Variants in SMG6 observed in about 807,000 individuals in gnomAD.
SMG6 encodes the protein telomerase-binding protein EST1A.
In SMG6, 66 loss-of-function variants were observed where a neutral mutation model predicts 142.2. That is an observed-to-expected ratio of 0.46 (90% confidence interval 0.38 to 0.57). The LOEUF is 0.57. Ranked by LOEUF, SMG6 falls within the 20% of genes least tolerant of loss-of-function variation. SMG6 has a pLI of 0.00. For missense variants in SMG6, 1,793 were observed against 1,832.0 expected (o/e 0.98, Z 0.39); for synonymous variants, 779 against 702.4 (o/e 1.11, Z -1.72).
At chr17:2,224,872 A>G (rs958166183) in intron 10 of SMG6, among the ~76,000 whole-genome samples, 6 of 152,220 alleles carry the variant, frequency 3.9e-5, no homozygotes, top group Non-Finnish European at 8.8e-5. Context: ...GAAAGCACCT[A>G]GAGAGAAAAG....
At chr17:2,280,266 TTTTC>T (rs1194290739) in intron 8 of SMG6, among the ~76,000 whole-genome samples, 2 of 151,862 alleles carry the variant, frequency 1.3e-5, no homozygotes, top group Non-Finnish European at 1.5e-5. Flanking sequence ...GCAGATTTCT[TTTTC>T]TTTTTTTTTT....
At chr17:2,079,409 C>A (rs1394546687) in intron 15 of SMG6, among the ~76,000 whole-genome samples, 1 of 152,090 alleles carries the variant, frequency 6.6e-6, no homozygotes, top group Non-Finnish European at 1.5e-5. Flanking sequence ...CCGTGGCGGG[C>A]AGATCACGAA....
chr17:2,162,238 C>A (rs966503754), intron 13 of SMG6, among the ~76,000 whole-genome samples: 12 of 151,978 alleles, frequency 7.9e-5, no homozygotes, highest in Non-Finnish European at 1.5e-4. Flanking sequence ...ATTGGCCAGG[C>A]GAGGTGGCTC....
chr17:2,133,412 T>C (rs566680482), intron 13 of SMG6, among the ~76,000 whole-genome samples: 12 of 152,158 alleles, frequency 7.9e-5, no homozygotes, highest in Non-Finnish European at 1.5e-4. Context: ...AGAGACAATA[T>C]GAAACAGTGG....
At chr17:2,111,918 C>T (rs1004926622) in intron 13 of SMG6, among the ~76,000 whole-genome samples, 4 of 152,126 alleles carry the variant, frequency 2.6e-5, no homozygotes, top group African/African-American at 7.2e-5. Context: ...GAGAGTTTTA[C>T]GTTGAATTTT....
chr17:2,076,498 G>A (rs11656003), intron 15 of SMG6, among the ~76,000 whole-genome samples: 15,323 of 152,214 alleles, frequency 0.1, 850 homozygotes, highest in African/African-American at 0.13. Context: ...TGAAGCCCCC[G>A]TGGTTCTGGG....
chr17:2,279,744 G>C (rs550583483), intron 8 of SMG6, among the ~76,000 whole-genome samples: 3 of 152,252 alleles, frequency 2.0e-5, no homozygotes, highest in African/African-American at 7.2e-5. Flanking sequence ...TGTCAAGCAC[G>C]ACTCCAGTCG....
rs539265693 is a variant in SMG6, at chr17:2,269,710, A to G, written c.2661+12937T>C. On this transcript the variant is annotated intron_variant, in intron 8 of 18. Transcript: ENST00000263073. ...CAATAGCACCTCTAAGAAAATCACG[A>G]GAGATTTGGGAAGAGGCAGCATGCA... 2.6e-5 allele frequency among the ~76,000 whole-genome samples: 4 copies of G among 152,272 alleles called. No homozygotes were observed. In the East Asian group the frequency reaches 7.7e-4, roughly 29 times the overall value.
intron 13 of SMG6, among the ~76,000 whole-genome samples, chr17:2,150,116 A>G (rs1401072637): frequency 6.6e-6 from 1 of 152,234 alleles, no homozygotes; most frequent in East Asian, 1.9e-4. Context: ...GGTCAAAGCA[A>G]GCAAGACCGC....
intron 1 of SMG6, 25 bp downstream of exon 1, chr17:2,303,608 C>T: frequency 7.0e-7 from 1 of 1,425,938 alleles, no homozygotes; most frequent in Non-Finnish European, 9.1e-7. Context: ...CAGGCCCGGC[C>T]CAGGAGCTGG....
At chr17:2,303,483 GC>G in intron 1 of SMG6, 149 bp downstream of exon 1, 1 of 1,329,834 alleles carries the variant, frequency 7.5e-7, no homozygotes, top group Non-Finnish European at 9.6e-7. Context: ...GAGAGGTAGG[GC>G]AGCGAGGGTC....
intron 10 of SMG6, among the ~76,000 whole-genome samples, chr17:2,198,529 C>T (rs1352319103): frequency 6.6e-6 from 1 of 152,128 alleles, no homozygotes; most frequent in Admixed American, 6.5e-5. Context: ...CAGTGGATAC[C>T]AATGTCAGTT....
chr17:2,137,396 G>C (rs1038938025), intron 13 of SMG6, among the ~76,000 whole-genome samples: 1 of 152,072 alleles, frequency 6.6e-6, no homozygotes, highest in Non-Finnish European at 1.5e-5. Flanking sequence ...CTATTCAGGT[G>C]CTCATGTTTT....
At chr17:2,174,257 C>T (rs2071593606) in intron 12 of SMG6, among the ~76,000 whole-genome samples, 2 of 152,152 alleles carry the variant, frequency 1.3e-5, no homozygotes, top group Admixed American at 6.5e-5. Flanking sequence ...AAGAATCATC[C>T]TGGAATCTCC....
chr17:2,303,359 G>A, intron 1 of SMG6: 3 of 1,208,798 alleles, frequency 2.5e-6, no homozygotes, highest in Non-Finnish European at 3.1e-6. Context: ...AGAGGGCTGG[G>A]GCAAAAGGAA....
At chr17:2,081,399 A>T (rs950980101) in intron 15 of SMG6, among the ~76,000 whole-genome samples, 1 of 152,146 alleles carries the variant, frequency 6.6e-6, no homozygotes, top group African/African-American at 2.4e-5. Flanking sequence ...CCAGGCAAGC[A>T]GACTGTGGCC....
chr17:2,082,641 T>C (rs754785268), intron 14 of SMG6, among the ~76,000 whole-genome samples: 12 of 152,176 alleles, frequency 7.9e-5, no homozygotes, highest in Non-Finnish European at 1.6e-4. Context: ...TGGTGGCACA[T>C]TCCCCAAGGA....
chr17:2,093,514 T>A (rs191758127), intron 13 of SMG6, among the ~76,000 whole-genome samples: 1 of 152,080 alleles, frequency 6.6e-6, no homozygotes, highest in Non-Finnish European at 1.5e-5. Context: ...CAGCTGGCAT[T>A]TTTTTTTCCT....
chr17:2,087,108 G>A, intron 13 of SMG6: 1 of 1,290,508 alleles, frequency 7.7e-7, no homozygotes, highest in Non-Finnish European at 1.0e-6. Flanking sequence ...TACAGGTGCA[G>A]GTGTTCTCTC....
Sources: allele counts gnomAD v4.1 joint callset (sites outside exome capture counted in the v4.1 genomes callset), GRCh38; gene constraint gnomAD v4.1.1; transcripts MANE v1.5; gene names NCBI Gene and HGNC (gene_info 2026-07-23, HGNC 2026-07-21).